Variants in RHBDD1 observed in about 807,000 individuals in gnomAD.
RHBDD1 encodes rhomboid-related protein 4.
RHBDD1 carries 38 observed loss-of-function variants against 36.3 expected under a neutral mutation model. The ratio of observed to expected loss-of-function variants is 1.05; its 90% CI spans 0.81 to 1.37. The LOEUF is 1.37. RHBDD1 is among the 40% of genes most tolerant of loss of function. RHBDD1 has a pLI of 0.00. For missense variants in RHBDD1, 393 were observed against 377.6 expected (o/e 1.04, Z -0.34); for synonymous variants, 151 against 136.5 (o/e 1.11, Z -0.74).
At chr2:226,814,140 T>G in the RHBDD1 span, among the ~76,000 whole-genome samples, 1 of 152,130 alleles carries the variant, frequency 6.6e-6, no homozygotes, top group Admixed American at 6.6e-5. Flanking sequence ...AGAAAAGTCA[T>G]GAAGGAAAGA....
intron 3 of RHBDD1, among the ~76,000 whole-genome samples, chr2:226,848,260 G>T (rs1320440510): frequency 1.3e-5 from 2 of 152,098 alleles, no homozygotes; most frequent in African/African-American, 2.4e-5. Context: ...AGTTACAATT[G>T]ATGTAGAATA....
At chr2:226,991,834 T>G (rs1958281499) in intron 8 of RHBDD1, among the ~76,000 whole-genome samples, 2 of 152,192 alleles carry the variant, frequency 1.3e-5, no homozygotes, top group Non-Finnish European at 2.9e-5. Context: ...GTCCCCTTTT[T>G]CAGTAGCCTC....
intron 5 of RHBDD1, among the ~76,000 whole-genome samples, chr2:226,878,430 G>A (rs140492432): frequency 6.6e-6 from 1 of 152,256 alleles, no homozygotes; most frequent in Non-Finnish European, 1.5e-5. Flanking sequence ...CTGCTAGCTG[G>A]GTGGATTTGT....
the RHBDD1 span, among the ~76,000 whole-genome samples, chr2:226,807,935 A>C: frequency 6.6e-6 from 1 of 152,062 alleles, no homozygotes; most frequent in Non-Finnish European, 1.5e-5. Flanking sequence ...GAAGCACATG[A>C]ACCAGGCAGG....
intron 5 of RHBDD1, among the ~76,000 whole-genome samples, chr2:226,880,117 C>T (rs537586884): frequency 2.6e-5 from 4 of 152,194 alleles, no homozygotes; most frequent in Non-Finnish European, 5.9e-5. Context: ...AAGATTACAT[C>T]TTCTGTCTTT....
intron 5 of RHBDD1, among the ~76,000 whole-genome samples, chr2:226,902,879 A>T (rs1947710265): frequency 6.6e-6 from 1 of 152,186 alleles, no homozygotes; most frequent in African/African-American, 2.4e-5. Flanking sequence ...ATAGATAAGA[A>T]ATTCATTTCA....
chr2:226,910,668 TAA>T (rs138208679), intron 7 of RHBDD1, among the ~76,000 whole-genome samples: 1 of 144,990 alleles, frequency 6.9e-6, no homozygotes, highest in Non-Finnish European at 1.5e-5. Flanking sequence ...AGTATATAAC[TAA>T]AAAAAAAAAA....
intron 8 of RHBDD1, among the ~76,000 whole-genome samples, chr2:226,992,986 A>T (rs1381133443): frequency 1.3e-5 from 2 of 152,130 alleles, no homozygotes; most frequent in African/African-American, 4.8e-5. Flanking sequence ...GAAGAGTGTG[A>T]TGATTATTCT....
At chr2:226,957,883 T>C (rs1453256984) in intron 8 of RHBDD1, among the ~76,000 whole-genome samples, 1 of 152,162 alleles carries the variant, frequency 6.6e-6, no homozygotes, top group Non-Finnish European at 1.5e-5. Flanking sequence ...AGTAATTATT[T>C]TTAAAGGCAA....
At position 226,914,452 on chromosome 2, in the gene RHBDD1, G is replaced by A; in HGVS notation, c.856+101G>A. On this transcript the variant is annotated intron_variant, in intron 8 of 8. Coordinates refer to ENST00000392062, the MANE Select transcript of RHBDD1 (RefSeq NM_001167608.3). ...AGCAAATTAAATTTTAAACAGTTCAGAAAAAGGATATGTAGATGAAAACTG... is the reference window on the plus strand; with the variant it reads ...AGCAAATTAAATTTTAAACAGTTCAAAAAAAGGATATGTAGATGAAAACTG... 4 of 1,332,856 alleles carry A rather than the reference G, an allele frequency of 3.0e-6. No individual in the cohort carries two copies. In the Admixed American group the frequency reaches 8.0e-5, roughly 27 times the overall value. 82.6% of individuals were successfully genotyped at this position (1,332,856 alleles called of 1,614,324 possible).
At chr2:226,823,603 T>A in the RHBDD1 span, among the ~76,000 whole-genome samples, 1 of 152,210 alleles carries the variant, frequency 6.6e-6, no homozygotes, top group African/African-American at 2.4e-5. Context: ...GCATCTTATC[T>A]GCAATGTACA....
At chr2:226,837,091 A>G (rs890913735) in intron 1 of RHBDD1, among the ~76,000 whole-genome samples, 1 of 152,214 alleles carries the variant, frequency 6.6e-6, no homozygotes, top group African/African-American at 2.4e-5. Context: ...TTTGAGAATT[A>G]ATGGCGTAGT....
intron 8 of RHBDD1, among the ~76,000 whole-genome samples, chr2:226,922,003 T>C (rs963994930): frequency 6.6e-6 from 1 of 152,144 alleles, no homozygotes; most frequent in Admixed American, 6.6e-5. Context: ...TTGCTTTATA[T>C]ATCTGGGTGC....
At chr2:226,908,558 G>T (rs2125658222) in intron 6 of RHBDD1, 1 of 410,774 alleles carries the variant, frequency 2.4e-6, no homozygotes, top group East Asian at 4.0e-5. Context: ...TTCAGTGAGT[G>T]TAAATTAGGG....
the RHBDD1 span, among the ~76,000 whole-genome samples, chr2:226,824,115 T>C: frequency 6.6e-6 from 1 of 152,144 alleles, no homozygotes; most frequent in Non-Finnish European, 1.5e-5. Flanking sequence ...TATATATCCA[T>C]ATACACACAT....
chr2:226,987,414 T>C lies in RHBDD1; in HGVS notation c.857-8017T>C, dbSNP rs141408260. Among the ~76,000 whole-genome samples, 315 of 152,006 alleles carry C rather than the reference T, an allele frequency of 2.1e-3. 3 individuals are homozygous for C. Among genetic ancestry groups the C allele is most frequent in the Middle Eastern group, 0.014 (4 of 290 alleles). ...TGTTGGAGGACATTGCCAAGGAGCA[T>C]AGCATGGCTGCTTCTGTGCCCAGCT... On this transcript the variant is annotated intron_variant, in intron 8 of 8. Transcript: ENST00000392062.
intron 5 of RHBDD1, among the ~76,000 whole-genome samples, chr2:226,883,430 A>G (rs931408812): frequency 6.6e-6 from 1 of 152,242 alleles, no homozygotes; most frequent in African/African-American, 2.4e-5. Context: ...CTGTCTATAC[A>G]TTAGTCAGAC....
chr2:226,808,729 G>A, the RHBDD1 span: 1 of 152,184 alleles, frequency 6.6e-6, no homozygotes, highest in African/African-American at 2.4e-5. Context: ...GACAGAAATT[G>A]TGTAGCCTTT....
At chr2:226,984,320 A>G (rs1031325313) in intron 8 of RHBDD1, among the ~76,000 whole-genome samples, 2 of 152,230 alleles carry the variant, frequency 1.3e-5, no homozygotes, top group African/African-American at 2.4e-5. Flanking sequence ...TAGAAGTTCC[A>G]GGTACTAATA....
Sources: allele counts gnomAD v4.1 joint callset (sites outside exome capture counted in the v4.1 genomes callset), GRCh38; gene constraint gnomAD v4.1.1; transcripts MANE v1.5; gene names NCBI Gene and HGNC (gene_info 2026-07-23, HGNC 2026-07-21).